The following PRR5L variants were observed in gnomAD, a reference collection of about 807,000 sequenced individuals.
PRR5L encodes proline rich 5 like.
PRR5L carries 21 observed loss-of-function variants against 36.4 expected under a neutral mutation model. The observed-to-expected ratio is 0.58, with a 90% confidence interval of 0.41 to 0.83. The LOEUF (loss-of-function observed/expected upper bound fraction) is 0.83, where lower values mean the gene tolerates loss of function less well. Ranked by LOEUF, PRR5L falls within the 40% of genes least tolerant of loss-of-function variation. The pLI, the probability that PRR5L is intolerant of heterozygous loss-of-function variation, is 0.00. For synonymous variants in PRR5L, 188 were observed against 197.0 expected (o/e 0.95, Z 0.38); for missense variants, 381 against 473.3 (o/e 0.80, Z 1.81).
intron 1 of PRR5L, among the ~76,000 whole-genome samples, chr11:36,369,248 G>T (rs1011626280): frequency 6.6e-6 from 1 of 152,224 alleles, no homozygotes; most frequent in African/African-American, 2.4e-5. Context: ...AGAGAGTGAT[G>T]CTGAGGCTGA....
At chr11:36,303,087 GTC>G (rs1005458186) in intron 1 of PRR5L, among the ~76,000 whole-genome samples, 1 of 152,196 alleles carries the variant, frequency 6.6e-6, no homozygotes, top group Non-Finnish European at 1.5e-5. Context: ...CTTGAGTTTA[GTC>G]TCTCTGTGTG....
intron 3 of PRR5L, among the ~76,000 whole-genome samples, chr11:36,418,563 G>C (rs1297466222): frequency 6.6e-6 from 1 of 152,100 alleles, no homozygotes; most frequent in East Asian, 1.9e-4. Flanking sequence ...TTGGGAGGCC[G>C]AGGCGGGCGG....
chr11:36,340,450 C>T (rs564324893), intron 1 of PRR5L, among the ~76,000 whole-genome samples: 6 of 152,250 alleles, frequency 3.9e-5, no homozygotes, highest in Non-Finnish European at 5.9e-5. Flanking sequence ...ATACAGAGTG[C>T]GCATGCATAT....
intron 1 of PRR5L, among the ~76,000 whole-genome samples, chr11:36,392,597 G>A (rs537883411): frequency 2.0e-5 from 3 of 152,272 alleles, no homozygotes; most frequent in East Asian, 3.9e-4. Context: ...TCACACTGCT[G>A]TAAAGAACTA....
chr11:36,385,722 C>T (rs902477108), intron 1 of PRR5L, among the ~76,000 whole-genome samples: 3 of 152,116 alleles, frequency 2.0e-5, no homozygotes, highest in African/African-American at 4.8e-5. Context: ...ATTCTTTGGC[C>T]GGCTTTTGTC....
chr11:36,381,930 G>A (rs1257850695), intron 1 of PRR5L, among the ~76,000 whole-genome samples: 6 of 151,986 alleles, frequency 3.9e-5, no homozygotes, highest in African/African-American at 1.2e-4. Context: ...AGGCCGAGGC[G>A]GGTGGATCAT....
rs997961493 is a variant in PRR5L, at chr11:36,344,014, C to T, written c.-126+47576C>T. ...GGTGGATCACCTGAAGTCAGGAGTTCGGGACCAGCCTGGCCAACATGGAGA... is the reference window on the plus strand; with the variant it reads ...GGTGGATCACCTGAAGTCAGGAGTTTGGGACCAGCCTGGCCAACATGGAGA... On this transcript the variant is annotated intron_variant, in intron 1 of 8. Coordinates refer to ENST00000530639, the MANE Select transcript of PRR5L (RefSeq NM_001160167.2). The surrounding 1 kb of genome is among the most constrained non-coding windows in gnomAD (Gnocchi z 4.1). 6.6e-6 allele frequency among the ~76,000 whole-genome samples: 1 copy of T among 151,418 alleles called. No individual in the cohort carries two copies. The highest frequency in any genetic ancestry group is 1.5e-5 in the Non-Finnish European group (1 of 67,940).
intron 1 of PRR5L, chr11:36,396,313 A>G (rs1857659141): frequency 6.6e-6 from 1 of 152,258 alleles, no homozygotes; most frequent in African/African-American, 2.4e-5. Flanking sequence ...AAGACTTAGA[A>G]GCACACCATG....
chr11:36,332,125 C>T (rs1202610000), intron 1 of PRR5L, among the ~76,000 whole-genome samples: 1 of 152,068 alleles, frequency 6.6e-6, no homozygotes, highest in Non-Finnish European at 1.5e-5. Flanking sequence ...TTTATCCCCC[C>T]TGGATTTGAA....
intron 1 of PRR5L, among the ~76,000 whole-genome samples, chr11:36,303,110 T>C (rs1265004700): frequency 6.6e-6 from 1 of 152,096 alleles, no homozygotes; most frequent in Non-Finnish European, 1.5e-5. Context: ...GAGAAGGAAG[T>C]GGAGGGAAGC....
At chr11:36,311,420 A>G (rs1364987665) in intron 1 of PRR5L, among the ~76,000 whole-genome samples, 1 of 152,218 alleles carries the variant, frequency 6.6e-6, no homozygotes, top group African/African-American at 2.4e-5. Context: ...GGCCCAGCCA[A>G]AGAAGCAAAG....
In PRR5L at chr11:36,369,043, A is replaced by G. The variant is rs116583160; in HGVS notation, c.-125-31954A>G. On this transcript the variant is annotated intron_variant, in intron 1 of 8. Transcript: ENST00000530639. ...TAGGGGATTTTGCTGGTGATGGACT[A>G]TGGGTTTCAGGGTGCACAAAAGGAG... Among the ~76,000 whole-genome samples the G allele has an allele frequency of 8.9e-3, 1,350 of 152,172 alleles. 22 individuals are homozygous for G. Among genetic ancestry groups the G allele is most frequent in the African/African-American group, 0.031 (1,304 of 41,500 alleles).
intron 5 of PRR5L, among the ~76,000 whole-genome samples, chr11:36,432,163 GT>G (rs1043073490): frequency 1.3e-4 from 1 of 7,952 alleles, no homozygotes; most frequent in African/African-American, 2.1e-4. Context: ...GTTTTTTTTT[GT>G]TTTGTTTTTG....
At chr11:36,401,698 G>A (rs143539357) in intron 2 of PRR5L, among the ~76,000 whole-genome samples, 227 of 152,258 alleles carry the variant, frequency 1.5e-3, no homozygotes, top group African/African-American at 5.2e-3. Flanking sequence ...CTTCCAAAGC[G>A]CTGGGATTAT....
At chr11:36,411,288 C>T (rs917236016) in intron 3 of PRR5L, among the ~76,000 whole-genome samples, 5 of 152,168 alleles carry the variant, frequency 3.3e-5, no homozygotes, top group African/African-American at 9.7e-5. Flanking sequence ...TTTAGTAATG[C>T]CTCCTTTACC....
At chr11:36,393,736 A>C (rs1310785926) in intron 1 of PRR5L, 1 of 152,096 alleles carries the variant, frequency 6.6e-6, no homozygotes, top group Non-Finnish European at 1.5e-5. Flanking sequence ...TTTTGATTGG[A>C]ATTGCATTCA....
At chr11:36,299,382 G>A (rs1856348813) in intron 1 of PRR5L, among the ~76,000 whole-genome samples, 1 of 152,134 alleles carries the variant, frequency 6.6e-6, no homozygotes, top group African/African-American at 2.4e-5. Context: ...GACTTGGAGT[G>A]CTCCTATTGC....
In PRR5L at chr11:36,465,157, T is replaced by A. The variant is rs372837859; in HGVS notation, c.*2421T>A. The A allele has an allele frequency of 4.6e-5, 7 of 152,338 alleles. No homozygotes were observed. The highest frequency in any genetic ancestry group is 7.2e-5 in the African/African-American group (3 of 41,580). The allele number at this position is 152,338 out of a possible 1,614,324, so 9.4% of individuals were successfully genotyped here. On this transcript the variant is annotated 3_prime_UTR_variant, in exon 9 of 9. Coordinates refer to ENST00000530639, the MANE Select transcript of PRR5L (RefSeq NM_001160167.2). ...AGTGAGCTCACAGAAACCTTTCATGTTGTCTGTTTCCAAAATGGATTCAAT... is the reference window on the plus strand; with the variant it reads ...AGTGAGCTCACAGAAACCTTTCATGATGTCTGTTTCCAAAATGGATTCAAT...
At chr11:36,365,639 T>C (rs1857136951) in intron 1 of PRR5L, among the ~76,000 whole-genome samples, 1 of 152,218 alleles carries the variant, frequency 6.6e-6, no homozygotes, top group African/African-American at 2.4e-5. Flanking sequence ...TTTCATGGTA[T>C]TATCCCTTCC....
Sources: gnomAD v4.1 joint callset for allele counts (sites outside exome capture counted in the v4.1 genomes callset) on GRCh38, gnomAD v4.1.1 for gene constraint, Gnocchi (gnomAD v3.1) non-coding constraint, MANE v1.5 for transcripts, NCBI Gene and HGNC (gene_info 2026-07-23, HGNC 2026-07-21) for gene names.